Variants in WDSUB1 observed in about 807,000 individuals in gnomAD.
WDSUB1 encodes the protein WD repeat, sterile alpha motif and U-box domain containing 1, also known as WD repeat, SAM and U-box domain-containing protein 1.
A neutral mutation model predicts 53.9 loss-of-function variants in WDSUB1; 49 were observed. The ratio of observed to expected loss-of-function variants is 0.91; its 90% CI spans 0.72 to 1.15. The LOEUF (loss-of-function observed/expected upper bound fraction) is 1.15. Among genes scored for constraint, WDSUB1 ranks in the 50% most tolerant of loss-of-function variants. The pLI, the probability that WDSUB1 is intolerant of heterozygous loss-of-function variation, is 0.00. For missense variants in WDSUB1, 514 were observed against 562.0 expected, an observed-to-expected ratio of 0.91 and a Z score of 0.86; for synonymous variants, 194 against 200.6, an observed-to-expected ratio of 0.97 and a Z score of 0.28.
intron 1 of WDSUB1, 67 bp from the exon 2 acceptor site, chr2:159,283,160 TA>T: frequency 2.2e-6 from 3 of 1,347,790 alleles, no homozygotes; most frequent in Non-Finnish European, 3.0e-6. Flanking sequence ...TGAGTCTATA[TA>T]AAAGGGCCAA....
chr2:159,249,940 A>T (rs1344213293), intron 9 of WDSUB1, among the ~76,000 whole-genome samples: 1 of 151,506 alleles, frequency 6.6e-6, no homozygotes, highest in Non-Finnish European at 1.5e-5. Context: ...AAGAAAAAAA[A>T]TAGCTGGATG....
intron 2 of WDSUB1, among the ~76,000 whole-genome samples, chr2:159,280,813 TG>T (rs779348797): frequency 2.3e-3 from 353 of 151,932 alleles, no homozygotes; most frequent in Non-Finnish European, 4.0e-3. Flanking sequence ...GGCACGGTGC[TG>T]AAGTATTAGT....
At chr2:159,285,345 G>C (rs764468202) in intron 1 of WDSUB1, among the ~76,000 whole-genome samples, 4 of 152,008 alleles carry the variant, frequency 2.6e-5, no homozygotes, top group Non-Finnish European at 5.9e-5. Flanking sequence ...AAAGGGGCAG[G>C]TATAACCTTG....
intron 5 of WDSUB1, among the ~76,000 whole-genome samples, chr2:159,269,170 T>TC (rs2061401301): frequency 2.7e-5 from 4 of 145,794 alleles, no homozygotes. Flanking sequence ...CACAGATTTT[T>TC]TTTTTTTTTT....
chr2:159,239,438 C>T (rs2060581202), intron 10 of WDSUB1, among the ~76,000 whole-genome samples: 1 of 152,192 alleles, frequency 6.6e-6, no homozygotes, highest in African/African-American at 2.4e-5. Context: ...TATAGATTTT[C>T]TATTCTTTTG....
chr2:159,257,688 C>T lies in WDSUB1; in HGVS notation c.952+70G>A. 8.5e-6 allele frequency: 12 copies of T among 1,408,906 alleles called. No homozygotes were observed. In the East Asian group the frequency reaches 9.3e-5, roughly 11 times the overall value. 87.3% of individuals were successfully genotyped at this position (1,408,906 alleles called of 1,614,324 possible). ...CAGGTGTGAGCCGCGGTGCCCAGCCCGATTTACTAACTTTCTGACCCTAAT... is the reference window on the plus strand; with the variant it reads ...CAGGTGTGAGCCGCGGTGCCCAGCCTGATTTACTAACTTTCTGACCCTAAT... On this transcript the variant is annotated intron_variant, in intron 8 of 10. Transcript: ENST00000359774.
At chr2:159,283,238 G>A (rs2061713607) in intron 1 of WDSUB1, 145 bp from the exon 2 acceptor site, 7 of 692,488 alleles carry the variant, frequency 1.0e-5, no homozygotes, top group South Asian at 4.1e-5. Context: ...CCACCTTTTC[G>A]GCAGCAGGGA....
chr2:159,280,483 A>C (rs891474279), intron 2 of WDSUB1, among the ~76,000 whole-genome samples: 223 of 151,608 alleles, frequency 1.5e-3, no homozygotes, highest in African/African-American at 5.3e-3. Context: ...CGAGGTCAGG[A>C]GATCGAGACC....
At chr2:159,286,304 C>T (rs1320834816) in intron 1 of WDSUB1, 1 of 152,404 alleles carries the variant, frequency 6.6e-6, no homozygotes, top group Non-Finnish European at 1.5e-5. Flanking sequence ...GCGGCCGGGC[C>T]TCTGTGGACT....
At chr2:159,274,109 A>T (rs1042722256) in intron 4 of WDSUB1, among the ~76,000 whole-genome samples, 3 of 152,220 alleles carry the variant, frequency 2.0e-5, no homozygotes, top group African/African-American at 2.4e-5. Flanking sequence ...AACTTTGGGG[A>T]GGCAGAAAGC....
At position 159,263,935 on chromosome 2, in the gene WDSUB1, T is replaced by C. The variant is rs185041480; in HGVS notation, c.771-4092A>G. 1.3e-3 allele frequency among the ~76,000 whole-genome samples: 203 copies of C among 152,316 alleles called. 1 individual carries two copies. The highest frequency in any genetic ancestry group is 4.8e-3 in the African/African-American group (199 of 41,564). On this transcript the variant is annotated intron_variant, in intron 5 of 10. Coordinates refer to ENST00000359774, the MANE Select transcript of WDSUB1 (RefSeq NM_001128212.3). ...TTTCTTAATCTTCATAACAATGTTA[T>C]GAGGAAAGTGCTATTACATTCTCCA...
At chr2:159,271,286 A>G (rs1199875965) in intron 5 of WDSUB1, among the ~76,000 whole-genome samples, 1 of 152,218 alleles carries the variant, frequency 6.6e-6, no homozygotes, top group South Asian at 2.1e-4. Context: ...CCCTCAAACC[A>G]GAAACAATCA....
At chr2:159,262,662 A>AG (rs1015049898) in intron 5 of WDSUB1, among the ~76,000 whole-genome samples, 21 of 152,230 alleles carry the variant, frequency 1.4e-4, no homozygotes, top group Admixed American at 1.3e-4. Context: ...ATAATTCATT[A>AG]GATTTTGAGG....
chr2:159,265,568 C>A (rs2061326557), intron 5 of WDSUB1, among the ~76,000 whole-genome samples: 1 of 151,974 alleles, frequency 6.6e-6, no homozygotes, highest in African/African-American at 2.4e-5. Context: ...CTTAGCCAAG[C>A]ATGGTGGCCT....
At chr2:159,240,672 C>T (rs1258846021) in intron 10 of WDSUB1, among the ~76,000 whole-genome samples, 1 of 152,130 alleles carries the variant, frequency 6.6e-6, no homozygotes, top group African/African-American at 2.4e-5. Context: ...ATATTGTTAG[C>T]ATTCCTATTT....
At chr2:159,248,595 T>TA (rs2060875649) in intron 9 of WDSUB1, 83 bp from the exon 10 acceptor site, 1 of 1,368,584 alleles carries the variant, frequency 7.3e-7, no homozygotes, top group African/African-American at 1.5e-5. Context: ...TATTCACAAA[T>TA]AGAGTTTGTT....
chr2:159,269,332 G>T (rs2061405392), intron 5 of WDSUB1, among the ~76,000 whole-genome samples: 1 of 151,888 alleles, frequency 6.6e-6, no homozygotes, highest in Non-Finnish European at 1.5e-5. Context: ...CATCATGCCT[G>T]GCTAATTTTT....
chr2:159,275,649 T>C lies in WDSUB1; in HGVS notation c.584-11A>G. On this transcript the variant is annotated splice_polypyrimidine_tract_variant and intron_variant, in intron 3 of 10. Coordinates refer to ENST00000359774, the MANE Select transcript of WDSUB1 (RefSeq NM_001128212.3). ...GACCTTGTTCTCCATCTAAAATTTA[T>C]TAAAAATAAATACAGAGAATTTGTA... is the stretch of plus-strand genomic sequence containing the variant. The C allele has an allele frequency of 6.3e-7, 1 of 1,585,922 alleles. No individual in the cohort carries two copies. Among genetic ancestry groups the C allele is most frequent in the South Asian group, 1.2e-5 (1 of 85,200 alleles).
chr2:159,271,505 G>C (rs2061442744), intron 5 of WDSUB1, among the ~76,000 whole-genome samples, 197 bp downstream of exon 5: 1 of 151,800 alleles, frequency 6.6e-6, no homozygotes, highest in Non-Finnish European at 1.5e-5. Context: ...AACAGCAGTA[G>C]TGCATATGAT....
Sources: allele counts gnomAD v4.1 joint callset (sites outside exome capture counted in the v4.1 genomes callset), GRCh38; gene constraint gnomAD v4.1.1; transcripts MANE v1.5; gene names NCBI Gene and HGNC (gene_info 2026-07-23, HGNC 2026-07-21).